The following C10orf90 variants were observed in gnomAD, a reference collection of about 807,000 sequenced individuals.
The protein encoded by C10orf90 is chromosome 10 open reading frame 90.
In C10orf90, 56 loss-of-function variants were observed where a neutral mutation model predicts 62.5. That is an observed-to-expected ratio of 0.90 (90% confidence interval 0.72 to 1.12). C10orf90 has a LOEUF of 1.12. Among genes scored for constraint, C10orf90 ranks in the 50% most tolerant of loss-of-function variants. C10orf90 has a pLI of 0.00. For synonymous variants in C10orf90, 386 were observed against 340.4 expected (o/e 1.13, Z -1.47); for missense variants, 970 against 880.4 (o/e 1.10, Z -1.29).
chr10:126,540,013 T>C (rs955628526), intron 2 of C10orf90, among the ~76,000 whole-genome samples: 1 of 152,172 alleles, frequency 6.6e-6, no homozygotes, highest in African/African-American at 2.4e-5. Flanking sequence ...ACTAGGAGTG[T>C]TGAATAGTTT....
In C10orf90 at chr10:126,568,139, CA is replaced by C. The variant is rs574434429; in HGVS notation, c.314-54201del. Among the ~76,000 whole-genome samples, 499 of 152,178 alleles carry C rather than the reference CA, an allele frequency of 3.3e-3. 2 individuals carry two copies. Among genetic ancestry groups the C allele is most frequent in the Non-Finnish European group, 5.9e-3 (401 of 67,988 alleles). On this transcript the variant is annotated intron_variant, in intron 2 of 9. Transcript: ENST00000488181. ...GCAGTAGTTTTCTGCTGCTGTCTAA[CA>C]AAAAACCACAAATGGAGCCCTCAGA...
chr10:126,451,249 T>C (rs1344001771), intron 7 of C10orf90, among the ~76,000 whole-genome samples: 1 of 152,170 alleles, frequency 6.6e-6, no homozygotes, highest in Non-Finnish European at 1.5e-5. Context: ...GGATGTAAAT[T>C]AGTACGGCCA....
chr10:126,517,065 T>C (rs139370739), intron 2 of C10orf90, among the ~76,000 whole-genome samples: 486 of 152,246 alleles, frequency 3.2e-3, no homozygotes, highest in Non-Finnish European at 5.8e-3. Flanking sequence ...CAAAGTAACA[T>C]ATTTATAAGT....
intron 2 of C10orf90, among the ~76,000 whole-genome samples, chr10:126,569,039 G>A (rs943515717): frequency 1.3e-4 from 20 of 152,136 alleles, no homozygotes; most frequent in Non-Finnish European, 2.2e-4. Context: ...CAGCCCGGGG[G>A]CAGGGTGCAG....
chr10:126,599,346 C>T (rs1845150021), intron 2 of C10orf90, among the ~76,000 whole-genome samples: 2 of 151,436 alleles, frequency 1.3e-5, no homozygotes, highest in Admixed American at 1.3e-4. Context: ...CCACTGCGCC[C>T]GGCTAATTTT....
intron 2 of C10orf90, among the ~76,000 whole-genome samples, chr10:126,638,501 G>A (rs542229637): frequency 8.5e-5 from 13 of 152,198 alleles, no homozygotes; most frequent in African/African-American, 2.9e-4. Context: ...ATCAGCAGCT[G>A]TGCTGATCCC....
intron 4 of C10orf90, among the ~76,000 whole-genome samples, chr10:126,473,108 T>C (rs777022880): frequency 6.6e-6 from 1 of 152,212 alleles, no homozygotes; most frequent in African/African-American, 2.4e-5. Context: ...TCATGCCTCC[T>C]ACATCCAATG....
chr10:126,445,717 A>G, intron 7 of C10orf90, among the ~76,000 whole-genome samples: 1 of 151,884 alleles, frequency 6.6e-6, no homozygotes. Context: ...TTGCACATGC[A>G]TGTTTATAGC....
chr10:126,642,375 AC>A (rs1351275520), intron 2 of C10orf90, among the ~76,000 whole-genome samples: 1 of 152,110 alleles, frequency 6.6e-6, no homozygotes, highest in East Asian at 1.9e-4. Context: ...TACTAAAAAT[AC>A]AAAAAATTAG....
At chr10:126,635,240 T>A (rs931666480) in intron 2 of C10orf90, among the ~76,000 whole-genome samples, 2 of 152,216 alleles carry the variant, frequency 1.3e-5, no homozygotes, top group Non-Finnish European at 2.9e-5. Flanking sequence ...AGCTATTTAA[T>A]ACCGGAAAAG....
At chr10:126,557,236 C>G (rs990874430) in intron 2 of C10orf90, among the ~76,000 whole-genome samples, 1 of 151,990 alleles carries the variant, frequency 6.6e-6, no homozygotes, top group African/African-American at 2.4e-5. Flanking sequence ...AAGCCCAGCA[C>G]TTTGGGAGGC....
Position 126,509,054 on chromosome 10 carries a change from T to C in C10orf90, c.406-3969A>G, listed in dbSNP as rs900252029. On this transcript the variant is annotated intron_variant, in intron 3 of 9. Transcript: ENST00000488181. ...GAGGGGCTGCAGGCCGGTACATCCC[T>C]CCAGAAGGACCTAGAGGCCCAGAGG... is the stretch of plus-strand genomic sequence containing the variant. Among the ~76,000 whole-genome samples, 4 of 152,074 alleles carry C rather than the reference T, an allele frequency of 2.6e-5. No individual in the cohort carries two copies. In the East Asian group the frequency reaches 7.7e-4, roughly 29 times the overall value.
At chr10:126,522,070 A>G (rs1381605380) in intron 2 of C10orf90, among the ~76,000 whole-genome samples, 1 of 152,116 alleles carries the variant, frequency 6.6e-6, no homozygotes, top group Non-Finnish European at 1.5e-5. Context: ...GAAGTTCGAG[A>G]CCAGCCTGAC....
chr10:126,470,577 A>AAACAAAC (rs1564815589), intron 4 of C10orf90, among the ~76,000 whole-genome samples: 24 of 150,030 alleles, frequency 1.6e-4, no homozygotes, highest in African/African-American at 4.7e-4. Flanking sequence ...TAAAAACTAA[A>AAACAAAC]AAACAAACAA....
chr10:126,444,230 C>A (rs1858591571), intron 7 of C10orf90, among the ~76,000 whole-genome samples: 1 of 152,054 alleles, frequency 6.6e-6, no homozygotes, highest in African/African-American at 2.4e-5. Flanking sequence ...GGAGGTCAAA[C>A]TGTCACTGTT....
At chr10:126,530,027 T>A (rs181978291) in intron 2 of C10orf90, among the ~76,000 whole-genome samples, 318 of 152,286 alleles carry the variant, frequency 2.1e-3, no homozygotes, top group African/African-American at 7.4e-3. Flanking sequence ...ATGTAGTATC[T>A]ACATTAAAAA....
intron 2 of C10orf90, among the ~76,000 whole-genome samples, chr10:126,549,371 C>T (rs1864575730): frequency 6.6e-6 from 1 of 152,162 alleles, no homozygotes; most frequent in Non-Finnish European, 1.5e-5. Context: ...ATACATTTCA[C>T]TGAAGAGGAA....
chr10:126,502,467 A>G (rs1331767152), intron 4 of C10orf90, among the ~76,000 whole-genome samples: 1 of 152,218 alleles, frequency 6.6e-6, no homozygotes, highest in Non-Finnish European at 1.5e-5. Context: ...GTCATTTCAC[A>G]AAATCACAAT....
chr10:126,511,700 G>A (rs986569080), intron 3 of C10orf90, among the ~76,000 whole-genome samples: 2 of 152,028 alleles, frequency 1.3e-5, no homozygotes, highest in Non-Finnish European at 2.9e-5. Flanking sequence ...GGTATTATAA[G>A]AGAATAATAC....
Sources: gnomAD v4.1 joint callset for allele counts (sites outside exome capture counted in the v4.1 genomes callset) on GRCh38, gnomAD v4.1.1 for gene constraint, MANE v1.5 for transcripts, NCBI Gene and HGNC (gene_info 2026-07-23, HGNC 2026-07-21) for gene names.